Variants in SORCS3 observed in about 807,000 individuals in gnomAD.
SORCS3 encodes the protein sortilin related VPS10 domain containing receptor 3.
In SORCS3, 57 loss-of-function variants were observed where a neutral mutation model predicts 146.3. The observed-to-expected ratio is 0.39, with a 90% CI of 0.31 to 0.49. The LOEUF is 0.49. Ranked by LOEUF, SORCS3 falls within the 20% of genes least tolerant of loss-of-function variation. The probability of loss-of-function intolerance (pLI) is 0.92; values close to 1 mark genes in which losing one functional copy is unlikely to be tolerated. For synonymous variants in SORCS3, 653 were observed against 618.5 expected (o/e 1.06, Z -0.83); for missense variants, 1,341 against 1,575.5 (o/e 0.85, Z 2.52).
chr10:104,909,553 G>C (rs1325879966), intron 2 of SORCS3, among the ~76,000 whole-genome samples: 2 of 152,140 alleles, frequency 1.3e-5, no homozygotes, highest in Non-Finnish European at 2.9e-5. Flanking sequence ...TCAGGGGCAA[G>C]AAGAGGAGAA....
intron 1 of SORCS3, among the ~76,000 whole-genome samples, chr10:104,830,354 G>A (rs2017986546): frequency 6.6e-6 from 1 of 152,152 alleles, no homozygotes; most frequent in South Asian, 2.1e-4. Context: ...CTCAAAGATC[G>A]GTCACTGCAG....
chr10:104,970,349 G>A (rs2054853591), intron 3 of SORCS3, among the ~76,000 whole-genome samples: 1 of 152,068 alleles, frequency 6.6e-6, no homozygotes, highest in Non-Finnish European at 1.5e-5. Context: ...GTTTCACAAT[G>A]TTGGCCAAGC....
At chr10:105,231,864 A>G (rs2119691708) in intron 20 of SORCS3, among the ~76,000 whole-genome samples, 1 of 152,266 alleles carries the variant, frequency 6.6e-6, no homozygotes, top group South Asian at 2.1e-4. Flanking sequence ...CATAGTGGTT[A>G]TGTAGTATAA....
At chr10:104,687,983 G>A (rs1489631837) in intron 1 of SORCS3, among the ~76,000 whole-genome samples, 1 of 152,122 alleles carries the variant, frequency 6.6e-6, no homozygotes, top group Non-Finnish European at 1.5e-5. Flanking sequence ...TCTAGCTTTG[G>A]GAAAAGGATT....
At chr10:105,226,044 A>AT (rs1035969399) in intron 20 of SORCS3, among the ~76,000 whole-genome samples, 11 of 149,618 alleles carry the variant, frequency 7.4e-5, no homozygotes, top group Admixed American at 2.0e-4. Context: ...ATTGGCTTTT[A>AT]TTTTTTTTTC....
intron 1 of SORCS3, among the ~76,000 whole-genome samples, chr10:104,653,695 A>G (rs1005825083): frequency 4.6e-5 from 7 of 152,218 alleles, no homozygotes; most frequent in African/African-American, 1.7e-4. Flanking sequence ...GTAGGCGTAT[A>G]TATTTATGCG....
intron 3 of SORCS3, among the ~76,000 whole-genome samples, chr10:104,954,670 G>A (rs1227358666): frequency 6.6e-6 from 1 of 152,186 alleles, no homozygotes; most frequent in Non-Finnish European, 1.5e-5. Flanking sequence ...GCTGGAACTG[G>A]GCATCGCGGA....
chr10:105,078,257 A>G (rs1198162461), intron 5 of SORCS3, among the ~76,000 whole-genome samples: 1 of 152,206 alleles, frequency 6.6e-6, no homozygotes, highest in Non-Finnish European at 1.5e-5. Flanking sequence ...CCATTCATGT[A>G]TTTATTCAGC....
chr10:105,163,401 G>A (rs1293000902), intron 11 of SORCS3, among the ~76,000 whole-genome samples: 1 of 152,064 alleles, frequency 6.6e-6, no homozygotes, highest in Admixed American at 6.5e-5. Flanking sequence ...GTTCCTTCCT[G>A]GTTGTCAGAA....
chr10:104,932,852 C>A (rs527414681), intron 3 of SORCS3, among the ~76,000 whole-genome samples: 1 of 152,086 alleles, frequency 6.6e-6, no homozygotes, highest in African/African-American at 2.4e-5. Flanking sequence ...TTACCACTCC[C>A]AGCTATTCTT....
intron 6 of SORCS3, among the ~76,000 whole-genome samples, chr10:105,091,920 C>A (rs2055713229): frequency 6.6e-6 from 1 of 152,110 alleles, no homozygotes; most frequent in South Asian, 2.1e-4. Flanking sequence ...CCTAAGTCAA[C>A]CTGTTTAGGC....
intron 3 of SORCS3, among the ~76,000 whole-genome samples, chr10:104,935,345 T>G (rs556670056): frequency 6.6e-6 from 1 of 152,206 alleles, no homozygotes; most frequent in East Asian, 1.9e-4. Context: ...GTCTGTTTCA[T>G]TAGATCTCAA....
Position 105,200,117 on chromosome 10 carries a change from G to T in SORCS3, c.2127+1G>T, listed in dbSNP as rs760373074. On this transcript the variant is annotated splice_donor_variant, in intron 15 of 26. Transcript: ENST00000369701. LOFTEE classifies it high-confidence loss of function. ...TCAGACCTGGCACCTGCTCAATCAG[G>T]TACACACCCCAGGGAGTTGGAGTGC... The T allele has an allele frequency of 6.2e-7, 1 of 1,610,294 alleles. No homozygotes were observed. Among genetic ancestry groups the T allele is most frequent in the Non-Finnish European group, 8.5e-7 (1 of 1,176,854 alleles).
chr10:105,162,962 G>A (rs2056279524), intron 11 of SORCS3, among the ~76,000 whole-genome samples: 2 of 152,058 alleles, frequency 1.3e-5, no homozygotes, highest in South Asian at 4.2e-4. Flanking sequence ...AGCGACTCGA[G>A]TTGATATTCT....
At chr10:105,236,115 C>T (rs1229168986) in intron 20 of SORCS3, among the ~76,000 whole-genome samples, 1 of 152,056 alleles carries the variant, frequency 6.6e-6, no homozygotes, top group Middle Eastern at 3.2e-3. Flanking sequence ...ATGACTAATG[C>T]ACTTGCATTT....
chr10:104,954,286 T>G (rs1232731353), intron 3 of SORCS3, among the ~76,000 whole-genome samples: 1 of 152,210 alleles, frequency 6.6e-6, no homozygotes, highest in African/African-American at 2.4e-5. Context: ...CCTGGAGTTT[T>G]GAAGGCTCTC....
rs931051852 is a variant in SORCS3 at position 104,762,547 on chromosome 10, G to A, written c.628-80245G>A. Among the ~76,000 whole-genome samples, 3 of 152,080 alleles carry A rather than the reference G, an allele frequency of 2.0e-5. No individual in the cohort carries two copies. In the East Asian group the frequency reaches 5.8e-4, roughly 29 times the overall value. On this transcript the variant is annotated intron_variant, in intron 1 of 26. Transcript: ENST00000369701. ...TCTGACTTCACATTAGAAACGCTTG[G>A]TGATATGGTTTGGCTCTGTGTCCCT...
At chr10:105,025,392 G>A (rs1265459548) in intron 4 of SORCS3, among the ~76,000 whole-genome samples, 1 of 152,126 alleles carries the variant, frequency 6.6e-6, no homozygotes, top group East Asian at 1.9e-4. Context: ...TACATTTACG[G>A]TGGCTATGGG....
chr10:105,155,653 A>G (rs2056202324), intron 9 of SORCS3, among the ~76,000 whole-genome samples: 1 of 152,222 alleles, frequency 6.6e-6, no homozygotes, highest in East Asian at 1.9e-4. Context: ...CTAGATGAGC[A>G]TTTGAGATGC....
Sources: gnomAD v4.1 joint callset for allele counts (sites outside exome capture counted in the v4.1 genomes callset) on GRCh38, gnomAD v4.1.1 for gene constraint, MANE v1.5 for transcripts, NCBI Gene and HGNC (gene_info 2026-07-23, HGNC 2026-07-21) for gene names.